MGAT4C: variants seen among roughly 807,000 people sequenced by gnomAD.
The protein encoded by MGAT4C is alpha-1,3-mannosyl-glycoprotein 4-beta-N-acetylglucosaminyltransferase C.
In MGAT4C, 19 loss-of-function variants were observed where a neutral mutation model predicts 40.1. The observed-to-expected ratio is 0.47, with a 90% confidence interval of 0.33 to 0.70. The LOEUF is 0.70. Ranked by LOEUF, MGAT4C falls within the 30% of genes least tolerant of loss-of-function variation. The probability of loss-of-function intolerance (pLI) is 0.02; values close to 1 mark genes in which losing one functional copy is unlikely to be tolerated. For missense variants in MGAT4C, 491 were observed against 563.2 expected, an observed-to-expected ratio of 0.87 and a Z score of 1.30; for synonymous variants, 181 against 187.1, an observed-to-expected ratio of 0.97 and a Z score of 0.27.
At chr12:86,231,634 C>T (rs1023319617) in intron 1 of MGAT4C, among the ~76,000 whole-genome samples, 14 of 152,128 alleles carry the variant, frequency 9.2e-5, no homozygotes, top group Admixed American at 7.9e-4. Context: ...AAGTGATATA[C>T]AGGGTATTTA....
intron 2 of MGAT4C, among the ~76,000 whole-genome samples, chr12:86,669,635 C>T (rs1964203072): frequency 6.6e-6 from 1 of 152,234 alleles, no homozygotes; most frequent in Non-Finnish European, 1.5e-5. Context: ...CTCATGTCTG[C>T]CACTGGGGGA....
At chr12:86,300,414 T>C (rs1953780228) in intron 4 of MGAT4C, among the ~76,000 whole-genome samples, 1 of 152,092 alleles carries the variant, frequency 6.6e-6, no homozygotes, top group African/African-American at 2.4e-5. Flanking sequence ...AAATAATAAA[T>C]TGTACATGGC....
chr12:86,811,335 T>TG (rs1952468337), intron 1 of MGAT4C, among the ~76,000 whole-genome samples: 2 of 105,870 alleles, frequency 1.9e-5, no homozygotes, highest in Non-Finnish European at 4.2e-5. Context: ...GCACTCATAG[T>TG]ATTTTTTTTT....
intron 2 of MGAT4C, among the ~76,000 whole-genome samples, chr12:86,559,637 G>A (rs1959772017): frequency 6.6e-6 from 1 of 151,722 alleles, no homozygotes; most frequent in Admixed American, 6.6e-5. Context: ...AAAAACCTAT[G>A]GCATATAGCA....
chr12:86,066,570 T>C (rs2137021379), intron 1 of MGAT4C, among the ~76,000 whole-genome samples: 1 of 152,260 alleles, frequency 6.6e-6, no homozygotes, highest in Non-Finnish European at 1.5e-5. Context: ...TCAAGATGGA[T>C]TAAATACGTA....
At chr12:85,999,980 T>C (rs1887121508) in intron 2 of MGAT4C, among the ~76,000 whole-genome samples, 1 of 152,180 alleles carries the variant, frequency 6.6e-6, no homozygotes, top group Non-Finnish European at 1.5e-5. Flanking sequence ...CAAAGCAGTG[T>C]ATATTTCAAG....
At chr12:86,158,351 A>G (rs1885211008) in intron 1 of MGAT4C, among the ~76,000 whole-genome samples, 2 of 152,178 alleles carry the variant, frequency 1.3e-5, no homozygotes, top group South Asian at 4.1e-4. Flanking sequence ...GATGTTTACT[A>G]ATTATTTTTT....
chr12:86,583,848 C>A (rs1960893699), intron 2 of MGAT4C, among the ~76,000 whole-genome samples: 1 of 151,106 alleles, frequency 6.6e-6, no homozygotes, highest in East Asian at 1.9e-4. Context: ...GAAAAAGAAT[C>A]TTTCTTAACG....
chr12:86,169,576 CT>C (rs1222810277), intron 1 of MGAT4C, among the ~76,000 whole-genome samples: 1 of 152,026 alleles, frequency 6.6e-6, no homozygotes, highest in Non-Finnish European at 1.5e-5. Flanking sequence ...TTTTGTTTAC[CT>C]TTGGGTACTC....
At chr12:86,232,471 T>C (rs910506189) in intron 1 of MGAT4C, among the ~76,000 whole-genome samples, 10 of 152,160 alleles carry the variant, frequency 6.6e-5, no homozygotes, top group Non-Finnish European at 2.9e-5. Context: ...TGCCAGTGTG[T>C]TTTGGTTTAA....
rs538929908 is a variant in MGAT4C at position 86,337,662 on chromosome 12, T to C, written c.-119-3535A>G. 5.9e-5 allele frequency among the ~76,000 whole-genome samples: 9 copies of C among 151,364 alleles called. No individual in the cohort carries two copies. The South Asian group carries it at 1.9e-3, about 32-fold the overall frequency. ...GATACAATAGCGGTGTGAGAACAGATAGTAGAAGCTAAAACTTTGTTTGAG... is the reference window on the plus strand; with the variant it reads ...GATACAATAGCGGTGTGAGAACAGACAGTAGAAGCTAAAACTTTGTTTGAG... On this transcript the variant is annotated intron_variant, in intron 3 of 7. Coordinates refer to the MGAT4C transcript ENST00000548651.
intron 4 of MGAT4C, among the ~76,000 whole-genome samples, chr12:86,287,691 A>AT (rs953741124): frequency 3.1e-4 from 47 of 152,240 alleles, no homozygotes; most frequent in Non-Finnish European, 2.9e-4. Flanking sequence ...TGAACTCATC[A>AT]TTTTTTATGG....
chr12:86,615,813 A>T (rs1242082841), intron 2 of MGAT4C, among the ~76,000 whole-genome samples: 2 of 152,036 alleles, frequency 1.3e-5, no homozygotes, highest in East Asian at 3.9e-4. Flanking sequence ...TTTTTCCATA[A>T]ATTTATGGAC....
intron 4 of MGAT4C, among the ~76,000 whole-genome samples, chr12:86,302,501 G>A (rs1385343334): frequency 1.3e-5 from 2 of 150,356 alleles, no homozygotes; most frequent in African/African-American, 2.5e-5. Flanking sequence ...CAATGTGGGC[G>A]CACTGCAACC....
At chr12:86,470,023 T>C (rs140935026) in intron 2 of MGAT4C, among the ~76,000 whole-genome samples, 1 of 152,292 alleles carries the variant, frequency 6.6e-6, no homozygotes, top group East Asian at 1.9e-4. Flanking sequence ...AAAGCCTAAA[T>C]AGTATTCCGC....
intron 2 of MGAT4C, among the ~76,000 whole-genome samples, chr12:86,681,642 G>A (rs1226444251): frequency 6.6e-6 from 1 of 151,830 alleles, no homozygotes; most frequent in African/African-American, 2.4e-5. Context: ...TACAAGCAAA[G>A]AAATTAGCAA....
chr12:86,290,614 A>G (rs1953485403), intron 4 of MGAT4C, among the ~76,000 whole-genome samples: 2 of 152,144 alleles, frequency 1.3e-5, no homozygotes, highest in South Asian at 4.1e-4. Flanking sequence ...TTTAAACCAT[A>G]ACCTGACAAA....
intron 2 of MGAT4C, among the ~76,000 whole-genome samples, chr12:86,514,685 C>G (rs1171101143): frequency 6.6e-6 from 1 of 152,302 alleles, no homozygotes; most frequent in Non-Finnish European, 1.5e-5. Flanking sequence ...GCTGGATAAT[C>G]TCTCCATTTC....
intron 2 of MGAT4C, chr12:86,011,925 T>G: frequency 2.2e-6 from 2 of 895,392 alleles, no homozygotes; most frequent in African/African-American, 1.8e-5. Flanking sequence ...ATCACACAAA[T>G]GAAGATGAGT....
Sources: allele counts gnomAD v4.1 joint callset (sites outside exome capture counted in the v4.1 genomes callset), GRCh38; gene constraint gnomAD v4.1.1; transcripts MANE v1.5; gene names NCBI Gene and HGNC (gene_info 2026-07-23, HGNC 2026-07-21).